Variants in HMCN2 observed in about 807,000 individuals in gnomAD.
HMCN2 encodes the protein hemicentin 2, also known as hemicentin-2.
HMCN2 carries 325 observed loss-of-function variants against 377.5 expected under a neutral mutation model. The observed-to-expected ratio is 0.86, with a 90% CI of 0.79 to 0.94. The LOEUF (loss-of-function observed/expected upper bound fraction) is 0.94, where lower values mean the gene tolerates loss of function less well. HMCN2 is among the 40% of genes least tolerant of loss of function. HMCN2 has a pLI of 0.00. For missense variants in HMCN2, 4,543 were observed against 4,725.3 expected (o/e 0.96, Z 1.13); for synonymous variants, 2,007 against 2,046.8 (o/e 0.98, Z 0.53).
At position 130,365,717 on chromosome 9, in the gene HMCN2, G is replaced by A; in HGVS notation, c.6495G>A (p.Leu2165=). Residue 2165 remains leucine, a synonymous_variant, in exon 42 of 98, where the codon CTG becomes CTA. Coordinates refer to ENST00000683500, the MANE Select transcript of HMCN2 (RefSeq NM_001291815.2). ...GCCACTCAGAGAAACACTACAATCTGAACGTCTGGGGTGAGGGTCTCCCAG... is the reference window on the plus strand; with the variant it reads ...GCCACTCAGAGAAACACTACAATCTAAACGTCTGGGGTGAGGGTCTCCCAG... ...QAGHSEKHYN[L]NVWVAPVFPL... is the part of the protein sequence containing the mutation. 1 of 985,936 alleles carries A rather than the reference G, an allele frequency of 1.0e-6. No homozygotes were observed. The highest frequency in any genetic ancestry group is 4.7e-5 in the South Asian group (1 of 21,284). 61.1% of individuals were successfully genotyped at this position (985,936 alleles called of 1,614,324 possible). A position where few individuals can be genotyped will look rare whatever the true frequency, so the allele number is the denominator to read the frequency against.
chr9:130,348,560 G>A lies in HMCN2; in HGVS notation c.4040G>A (p.Arg1347Gln), dbSNP rs916753395. 20 of 1,304,006 alleles carry A rather than the reference G, an allele frequency of 1.5e-5. No homozygotes were observed. The highest frequency in any genetic ancestry group is 4.6e-5 in the Admixed American group (2 of 43,556). The allele number at this position is 1,304,006 out of a possible 1,614,324, so 80.8% of individuals were successfully genotyped here. ...KLVVYVPPSIREDGRKANVSG... is the reference protein window; with the variant it reads ...KLVVYVPPSIQEDGRKANVSG... Reference sequence around the variant, plus strand: ...TGCCCCCAAGTGCCCCCCAGCATCCGGGAGGACGGGCGCAAGGCCAACGTG... The same window carrying A: ...TGCCCCCAAGTGCCCCCCAGCATCCAGGAGGACGGGCGCAAGGCCAACGTG... The change falls in exon 27 of 98, where the codon CGG becomes CAG. Residue 1347 changes from arginine to glutamine, a missense_variant. This residue lies in a region of HMCN2 where 547 missense variants were observed against 189.9 expected (regional missense o/e 2.88). Coordinates refer to ENST00000683500, the MANE Select transcript of HMCN2 (RefSeq NM_001291815.2).
chr9:130,285,172 C>A lies in HMCN2; in HGVS notation c.345C>A (p.Cys115Ter), dbSNP rs1554927178. 2.1e-6 allele frequency: 1 copy of A among 470,954 alleles called. No homozygotes were observed. Among genetic ancestry groups the A allele is most frequent in the Admixed American group, 2.4e-5 (1 of 42,548 alleles). 29.2% of individuals were successfully genotyped at this position (470,954 alleles called of 1,614,324 possible). The change falls in exon 3 of 98, where the codon TGC (cysteine) becomes TGA (stop). Residue 115 changes from cysteine to a stop codon, truncating the protein, a stop_gained. Coordinates refer to ENST00000683500, the MANE Select transcript of HMCN2 (RefSeq NM_001291815.2). LOFTEE classifies it high-confidence loss of function. The stretch of plus-strand genomic sequence containing the variant: ...CTGCCCTCCAGGGAGGTGGTGACTG[C>A]CCGGAGATGAGTGTGGGGGCCATTA... ...RELYVQGGGD[C>*]PEMSVGAIKA...
At chr9:130,293,478 G>T (rs1422492837) in intron 4 of HMCN2, among the ~76,000 whole-genome samples, 1 of 151,964 alleles carries the variant, frequency 6.6e-6, no homozygotes, top group Admixed American at 6.5e-5. Context: ...GGCCTGGAAA[G>T]AGAAGGTCCA....
At chr9:130,415,407 A>ATGTG (rs1843632725) in intron 85 of HMCN2, among the ~76,000 whole-genome samples, 2 of 151,864 alleles carry the variant, frequency 1.3e-5, no homozygotes, top group African/African-American at 2.4e-5. Flanking sequence ...GCACAATCAC[A>ATGTG]GCTCACTGCA....
chr9:130,289,612 G>C (rs1035152400), intron 4 of HMCN2, among the ~76,000 whole-genome samples: 1 of 152,140 alleles, frequency 6.6e-6, no homozygotes, highest in African/African-American at 2.4e-5. Context: ...TGAGATGGTA[G>C]CCAGGGAGAG....
chr9:130,317,340 T>C (rs1430164506), intron 15 of HMCN2, among the ~76,000 whole-genome samples: 1 of 152,112 alleles, frequency 6.6e-6, no homozygotes, highest in Non-Finnish European at 1.5e-5. Context: ...ATGGTTACAA[T>C]AAGTGCTCGT....
intron 15 of HMCN2, among the ~76,000 whole-genome samples, chr9:130,312,218 C>T (rs930495405): frequency 4.6e-4 from 70 of 152,244 alleles, no homozygotes; most frequent in Non-Finnish European, 8.8e-4. Flanking sequence ...CTGATGCTCA[C>T]CAGCAGAGTG....
At chr9:130,267,239 C>T (rs1834155384) in intron 1 of HMCN2, among the ~76,000 whole-genome samples, 2 of 151,770 alleles carry the variant, frequency 1.3e-5, no homozygotes, top group Non-Finnish European at 2.9e-5. Context: ...GCCACTGCAC[C>T]CAGCCTCCCC....
chr9:130,364,578 G>A (rs923221670), intron 40 of HMCN2, 136 bp from the exon 41 acceptor site: 9 of 225,720 alleles, frequency 4.0e-5, no homozygotes, highest in East Asian at 3.7e-4. Flanking sequence ...TGGCTCCTCC[G>A]AAGCAGGACT....
At chr9:130,387,575 G>A (rs1173547646) in intron 61 of HMCN2, among the ~76,000 whole-genome samples, 2 of 152,214 alleles carry the variant, frequency 1.3e-5, no homozygotes, top group Admixed American at 6.5e-5. Context: ...ATTAGTGAGC[G>A]CTCAGGCAGC....
Position 130,394,973 on chromosome 9 carries a change from G to T in HMCN2, c.10693-54G>T. ...CGATGCATGAGAAAGAAACCAGATT[G>T]GGAGGCGGGCAGAGAGGGGCCAGGG... On this transcript the variant is annotated intron_variant, in intron 69 of 97. Transcript: ENST00000683500. This position sits in a 1 kb window ranked among gnomAD's most constrained non-coding sequence, Gnocchi z 5.1. 1 of 1,140,408 alleles carries T rather than the reference G, an allele frequency of 8.8e-7. No homozygotes were observed. The highest frequency in any genetic ancestry group is 1.2e-6 in the Non-Finnish European group (1 of 868,382). 70.6% of individuals were successfully genotyped at this position (1,140,408 alleles called of 1,614,324 possible).
chr9:130,365,001 G>A (rs1840616483), intron 41 of HMCN2, 112 bp downstream of exon 41: 6 of 611,216 alleles, frequency 9.8e-6, no homozygotes, highest in Non-Finnish European at 1.2e-5. Context: ...CTCAGGGGAT[G>A]GAGGACAAAA....
At chr9:130,267,651 G>A (rs138996203) in intron 1 of HMCN2, among the ~76,000 whole-genome samples, 179 of 152,366 alleles carry the variant, frequency 1.2e-3, no homozygotes, top group African/African-American at 4.0e-3. Context: ...ATAGTTCTAC[G>A]TAGGCTTCAG....
rs920131878 is a variant in HMCN2 at position 130,393,014 on chromosome 9, A to AC, written c.10137-198_10137-197insC. 1.9e-4 allele frequency among the ~76,000 whole-genome samples: 29 copies of AC among 152,008 alleles called. No individual in the cohort carries two copies. The highest frequency in any genetic ancestry group is 6.5e-4 in the Admixed American group (10 of 15,284). On this transcript the variant is annotated intron_variant, in intron 66 of 97. Coordinates refer to ENST00000683500, the MANE Select transcript of HMCN2 (RefSeq NM_001291815.2). This position sits in a 1 kb window ranked among gnomAD's most constrained non-coding sequence, Gnocchi z 5.2. ...CCATCTCACCATCTCAAAAAAAAAA[A>AC]AGAAAAAGAGAGAGTTTAAGCAAAG... is the stretch of plus-strand genomic sequence containing the variant.
In HMCN2 at chr9:130,419,026, T is replaced by A. The variant is rs1329165253; in HGVS notation, c.13216T>A (p.Phe4406Ile). 1 of 1,489,250 alleles carries A rather than the reference T, an allele frequency of 6.7e-7. No individual in the cohort carries two copies. The allele number at this position is 1,489,250 out of a possible 1,614,324, so 92.3% of individuals were successfully genotyped here. A position where few individuals can be genotyped will look rare whatever the true frequency, so the allele number is the denominator to read the frequency against. The change falls in exon 86 of 98, where the codon TTC becomes ATC. Residue 4406 changes from phenylalanine (F) to isoleucine (I), a missense_variant. By Grantham distance (21) the Phe-to-Ile change is conservative. Coordinates refer to ENST00000683500, the MANE Select transcript of HMCN2 (RefSeq NM_001291815.2). ...NLLGSATARAFLVVRGEPQGS... is the reference protein window; with the variant it reads ...NLLGSATARAILVVRGEPQGS... ...CCTGGGCTCTGCCACAGCCCGGGCG[T>A]TCCTGGTCGTGAGAGGTATGGGGCA...
intron 25 of HMCN2, among the ~76,000 whole-genome samples, chr9:130,344,739 GGTGT>G (rs1230321297): frequency 1.3e-5 from 2 of 149,728 alleles, no homozygotes; most frequent in South Asian, 2.1e-4. Flanking sequence ...GTGAATGTGT[GGTGT>G]GTGTGTGTGT....
At position 130,429,610 on chromosome 9, in the gene HMCN2, G is replaced by A. The variant is rs1844613188; in HGVS notation, c.14251G>A (p.Glu4751Lys). The change falls in exon 94 of 98, where the codon GAG becomes AAG. Residue 4751 changes from glutamate (E) to lysine (K), a missense_variant. Coordinates refer to ENST00000683500, the MANE Select transcript of HMCN2 (RefSeq NM_001291815.2). ...CGACTGTCACTACAACCAGCTCTGCGAGAACACCCCAGGCGGTCACCGCTG... is the reference window on the plus strand; with the variant it reads ...CGACTGTCACTACAACCAGCTCTGCAAGAACACCCCAGGCGGTCACCGCTG... ...LDDCHYNQLC[E>K]NTPGGHRCSC... is the part of the protein sequence containing the mutation. 1 of 1,550,170 alleles carries A rather than the reference G, an allele frequency of 6.5e-7. No individual in the cohort carries two copies. Among genetic ancestry groups the A allele is most frequent in the African/African-American group, 1.4e-5 (1 of 73,038 alleles).
chr9:130,385,171 C>T (rs1249908342), intron 59 of HMCN2, among the ~76,000 whole-genome samples: 3 of 151,698 alleles, frequency 2.0e-5, no homozygotes, highest in Non-Finnish European at 4.4e-5. Context: ...CCAGACACTG[C>T]GCTAGGCCTG....
In HMCN2 at chr9:130,382,329, C is replaced by T. The variant is rs980104941; in HGVS notation, c.8545+32C>T. 8.6e-5 allele frequency: 82 copies of T among 955,480 alleles called. No homozygotes were observed. The African/African-American group carries it at 9.3e-4, about 11-fold the overall frequency. The allele number at this position is 955,480 out of a possible 1,614,324, so 59.2% of individuals were successfully genotyped here. A position where few individuals can be genotyped will look rare whatever the true frequency, so the allele number is the denominator to read the frequency against. ...GGCGGGGCCTGCAGGTGGGGATTCC[C>T]GGGACTGCAAGCGCCGTAAGGGCCT... On this transcript the variant is annotated intron_variant, in intron 55 of 97. Transcript: ENST00000683500.
Sources: gnomAD v4.1 joint callset for allele counts (sites outside exome capture counted in the v4.1 genomes callset) on GRCh38, gnomAD v4.1.1 for gene constraint, gnomAD v4.1.1 regional missense constraint, Gnocchi (gnomAD v3.1) non-coding constraint, MANE v1.5 for transcripts, NCBI Gene and HGNC (gene_info 2026-07-23, HGNC 2026-07-21) for gene names.